Variants in DDAH1 observed in about 807,000 individuals in gnomAD.
DDAH1 encodes the protein dimethylarginine dimethylaminohydrolase 1.
In DDAH1, 19 loss-of-function variants were observed where a neutral mutation model predicts 28.8. The observed-to-expected ratio is 0.66, with a 90% CI of 0.46 to 0.97. The LOEUF (loss-of-function observed/expected upper bound fraction) is 0.97, where lower values mean the gene tolerates loss of function less well. Among genes scored for constraint, DDAH1 ranks in the 50% least tolerant of loss-of-function variants. The pLI is 0.00. For missense variants in DDAH1, 326 were observed against 375.9 expected, an observed-to-expected ratio of 0.87 and a Z score of 1.10; for synonymous variants, 153 against 154.4, an observed-to-expected ratio of 0.99 and a Z score of 0.07.
intron 1 of DDAH1, among the ~76,000 whole-genome samples, chr1:85,551,788 T>A (rs1402459308): frequency 1.3e-5 from 2 of 152,208 alleles, no homozygotes; most frequent in African/African-American, 2.4e-5. Flanking sequence ...CAGTTGGGTG[T>A]TAACTGATGG....
chr1:85,389,786 T>A (rs553342260), intron 1 of DDAH1, among the ~76,000 whole-genome samples: 2 of 152,168 alleles, frequency 1.3e-5, no homozygotes, highest in Middle Eastern at 3.4e-3. Flanking sequence ...TAGTTGGGAG[T>A]TGGAATTAGC....
In DDAH1 at chr1:85,358,809, G is replaced by A; in HGVS notation, c.342C>T (p.Leu114=). The change falls in exon 2 of 6, where the codon CTC becomes CTT. Residue 114 remains leucine, a synonymous_variant. Transcript: ENST00000284031. ...TTTCATCTTTCATCTCTACTATATTGAGCTGAAGTTTTTCTAATGCTTCTT... is the reference window on the plus strand; with the variant it reads ...TTTCATCTTTCATCTCTACTATATTAAGCTGAAGTTTTTCTAATGCTTCTT... The part of the protein sequence containing the change: ...MMKEALEKLQ[L]NIVEMKDENA... 1 of 1,611,040 alleles carries A rather than the reference G, an allele frequency of 6.2e-7. No individual in the cohort carries two copies. Among genetic ancestry groups the A allele is most frequent in the Non-Finnish European group, 8.5e-7 (1 of 1,178,980 alleles).
chr1:85,500,022 GT>G (rs1408047277), intron 1 of DDAH1, among the ~76,000 whole-genome samples: 1 of 151,828 alleles, frequency 6.6e-6, no homozygotes, highest in Non-Finnish European at 1.5e-5. Flanking sequence ...GCTTGGCAGT[GT>G]TTTTCTTCTT....
At chr1:85,408,178 T>C (rs1652494562) in intron 1 of DDAH1, among the ~76,000 whole-genome samples, 1 of 152,226 alleles carries the variant, frequency 6.6e-6, no homozygotes, top group Admixed American at 6.5e-5. Flanking sequence ...CTGGTTTCTT[T>C]TGCCCTTCAC....
chr1:85,392,869 G>T (rs147359300), intron 1 of DDAH1, among the ~76,000 whole-genome samples: 1 of 151,740 alleles, frequency 6.6e-6, no homozygotes, highest in East Asian at 1.9e-4. Flanking sequence ...CCCATTTTGA[G>T]GTGGGTCAAC....
intron 1 of DDAH1, among the ~76,000 whole-genome samples, chr1:85,441,966 G>C (rs554474534): frequency 6.6e-6 from 1 of 151,842 alleles, no homozygotes; most frequent in East Asian, 1.9e-4. Context: ...TGAGTGGTAG[G>C]AATCATTACC....
chr1:85,373,565 C>T (rs1650500804), intron 1 of DDAH1, among the ~76,000 whole-genome samples: 1 of 152,092 alleles, frequency 6.6e-6, no homozygotes, highest in Admixed American at 6.6e-5. Flanking sequence ...TTTCCTGTTA[C>T]CTTGTGAAGA....
chr1:85,548,612 G>A (rs1454267882), intron 1 of DDAH1, among the ~76,000 whole-genome samples: 1 of 152,146 alleles, frequency 6.6e-6, no homozygotes, highest in Non-Finnish European at 1.5e-5. Flanking sequence ...CTTTCAGCAA[G>A]CCAGGTGCTC....
intron 1 of DDAH1, among the ~76,000 whole-genome samples, chr1:85,405,592 C>T (rs886252268): frequency 6.6e-6 from 1 of 151,342 alleles, no homozygotes; most frequent in Non-Finnish European, 1.5e-5. Context: ...CCGCATTTGG[C>T]TGGGAAAGAC....
chr1:85,511,087 C>A (rs762314728), intron 1 of DDAH1, among the ~76,000 whole-genome samples: 1 of 152,180 alleles, frequency 6.6e-6, no homozygotes, highest in African/African-American at 2.4e-5. Flanking sequence ...CAAAATTGAG[C>A]ACATAGTTGG....
Position 85,500,205 on chromosome 1 carries a change from T to C in DDAH1, c.-122-3924A>G, listed in dbSNP as rs539550866. On this transcript the variant is annotated intron_variant, in intron 1 of 6. Transcript: ENST00000426972. ...CCTTCATCTTTTCTTCCTTCCTTTC[T>C]TCCTTCCTTCCTTTCTTTTTTCCTT... is the stretch of plus-strand genomic sequence containing the variant. 1.5e-4 allele frequency among the ~76,000 whole-genome samples: 23 copies of C among 150,972 alleles called. 1 individual carries two copies. The highest frequency in any genetic ancestry group is 4.6e-4 in the Admixed American group (7 of 15,128).
intron 1 of DDAH1, among the ~76,000 whole-genome samples, chr1:85,414,917 TG>T (rs1285968741): frequency 6.6e-6 from 1 of 152,014 alleles, no homozygotes; most frequent in Admixed American, 6.6e-5. Flanking sequence ...ACAATGGTTT[TG>T]TTTTTTAAAA....
At chr1:85,382,005 A>G (rs1469942589) in intron 1 of DDAH1, among the ~76,000 whole-genome samples, 1 of 152,142 alleles carries the variant, frequency 6.6e-6, no homozygotes, top group Non-Finnish European at 1.5e-5. Context: ...TTAATATCCT[A>G]CCATGGCCTC....
chr1:85,464,392 G>C lies in DDAH1; in HGVS notation c.303+351C>G. On this transcript the variant is annotated intron_variant, in intron 1 of 5. Coordinates refer to ENST00000284031, the MANE Select transcript of DDAH1 (RefSeq NM_012137.4). The surrounding 1 kb of genome is among the most constrained non-coding windows in gnomAD (Gnocchi z 4.4). ...CCGCCCTACCGGAGCGGCACCCCTC[G>C]CGGCCCTCGCTCCCTGGGAAACACT... 9.0e-7 allele frequency: 1 copy of C among 1,110,522 alleles called. No individual in the cohort carries two copies. Among genetic ancestry groups the C allele is most frequent in the Non-Finnish European group, 1.2e-6 (1 of 813,176 alleles). The allele number at this position is 1,110,522 out of a possible 1,614,324, so 68.8% of individuals were successfully genotyped here.
At chr1:85,358,708 T>TA in intron 2 of DDAH1, 40 bp downstream of exon 2, 2 of 1,373,968 alleles carry the variant, frequency 1.5e-6, no homozygotes, top group Admixed American at 4.4e-5. Context: ...AGCCAAGTAT[T>TA]AAAAATATTC....
At chr1:85,532,082 G>A (rs559553874) in intron 1 of DDAH1, among the ~76,000 whole-genome samples, 34 of 150,690 alleles carry the variant, frequency 2.3e-4, no homozygotes, top group African/African-American at 6.8e-4. Context: ...ACTTCCTCCC[G>A]TTGATCCAGG....
At chr1:85,390,461 C>G (rs548450687) in intron 1 of DDAH1, among the ~76,000 whole-genome samples, 53 of 152,270 alleles carry the variant, frequency 3.5e-4, no homozygotes, top group African/African-American at 1.2e-3. Context: ...ATGTCACCTA[C>G]TGACCTCCAG....
upstream of DDAH1, among the ~76,000 whole-genome samples, chr1:85,465,642 C>G (rs1655350094): frequency 1.3e-5 from 2 of 152,154 alleles, no homozygotes; most frequent in South Asian, 4.1e-4. Context: ...GTTTTCTGGC[C>G]TTACCTAAAG....
chr1:85,430,627 T>C (rs1389554176), intron 1 of DDAH1, among the ~76,000 whole-genome samples: 1 of 152,196 alleles, frequency 6.6e-6, no homozygotes, highest in Non-Finnish European at 1.5e-5. Flanking sequence ...CCCTTGTAAG[T>C]TGGATTCCTA....
Sources: gnomAD v4.1 joint callset for allele counts (sites outside exome capture counted in the v4.1 genomes callset) on GRCh38, gnomAD v4.1.1 for gene constraint, Gnocchi (gnomAD v3.1) non-coding constraint, MANE v1.5 for transcripts, NCBI Gene and HGNC (gene_info 2026-07-23, HGNC 2026-07-21) for gene names.